The following C14orf39 variants were observed in gnomAD, a reference collection of about 807,000 sequenced individuals.
C14orf39 encodes the protein chromosome 14 open reading frame 39, also known as protein SIX6OS1.
In C14orf39, 66 loss-of-function variants were observed where a neutral mutation model predicts 85.6. The ratio of observed to expected loss-of-function variants is 0.77; its 90% CI spans 0.63 to 0.95. The LOEUF is 0.95. Ranked by LOEUF, C14orf39 falls within the 40% of genes least tolerant of loss-of-function variation. The pLI is 0.00. For missense variants in C14orf39, 735 were observed against 663.9 expected, an observed-to-expected ratio of 1.11 and a Z score of -1.18; for synonymous variants, 242 against 214.0, an observed-to-expected ratio of 1.13 and a Z score of -1.14.
At chr14:60,475,043 G>A (rs1004984556) in intron 5 of C14orf39, among the ~76,000 whole-genome samples, 14 of 152,210 alleles carry the variant, frequency 9.2e-5, no homozygotes, top group Non-Finnish European at 1.5e-4. Flanking sequence ...GACTTTTTTG[G>A]TTGGTAAACT....
At chr14:60,485,267 G>A (rs1429204841) in intron 1 of C14orf39, among the ~76,000 whole-genome samples, 181 bp from the exon 2 acceptor site, 4 of 152,210 alleles carry the variant, frequency 2.6e-5, no homozygotes, top group Non-Finnish European at 5.9e-5. Flanking sequence ...CCCGGGCCAA[G>A]CCCAACGAGC....
At chr14:60,442,329 A>T (rs1361138555) in intron 16 of C14orf39, among the ~76,000 whole-genome samples, 198 bp from the exon 17 acceptor site, 1 of 152,180 alleles carries the variant, frequency 6.6e-6, no homozygotes, top group African/African-American at 2.4e-5. Context: ...AATAAGGTCT[A>T]TTGATTTGAT....
intron 1 of C14orf39, chr14:60,510,009 G>C (rs780223776): frequency 1.9e-6 from 3 of 1,546,442 alleles, no homozygotes; most frequent in Admixed American, 3.7e-5. Context: ...AGCGCACCGG[G>C]GAGGAGGCGG....
Position 60,436,787 on chromosome 14 carries a change from A to C in C14orf39, c.*58T>G. 8.6e-7 allele frequency: 1 copy of C among 1,164,298 alleles called. No individual in the cohort carries two copies. Among genetic ancestry groups the C allele is most frequent in the East Asian group, 2.4e-5 (1 of 42,300 alleles). 72.1% of individuals were successfully genotyped at this position (1,164,298 alleles called of 1,614,324 possible). On this transcript the variant is annotated 3_prime_UTR_variant, in exon 18 of 18. Coordinates refer to ENST00000321731, the MANE Select transcript of C14orf39 (RefSeq NM_174978.3). ...GTCTTCATGTTTTAAGCAATAATGT[A>C]AATTTATGCCCTCATGAACACAGAA... is the stretch of plus-strand genomic sequence containing the variant.
intron 1 of C14orf39, among the ~76,000 whole-genome samples, chr14:60,513,434 A>G (rs570271263): frequency 6.6e-5 from 10 of 152,338 alleles, no homozygotes; most frequent in African/African-American, 2.2e-4. Context: ...TGCAAGGCAC[A>G]TGAGATTGAG....
intron 17 of C14orf39, among the ~76,000 whole-genome samples, chr14:60,440,137 T>C (rs1890439987): frequency 6.6e-6 from 1 of 152,222 alleles, no homozygotes; most frequent in Admixed American, 6.5e-5. Context: ...ATAAATACAA[T>C]TGGTAGATTC....
intron 1 of C14orf39, among the ~76,000 whole-genome samples, chr14:60,507,170 G>T (rs1344614988): frequency 6.6e-6 from 1 of 152,202 alleles, no homozygotes; most frequent in South Asian, 2.1e-4. Flanking sequence ...AGCAATAGCC[G>T]GCAAAGTAAC....
intron 2 of C14orf39, chr14:60,496,455 TCTCC>T: frequency 7.2e-6 from 2 of 277,842 alleles, no homozygotes; most frequent in Non-Finnish European, 1.5e-5. Context: ...GCATCCAGCT[TCTCC>T]TTTATGTCCC....
intron 2 of C14orf39, chr14:60,495,550 A>T: frequency 4.4e-6 from 1 of 229,432 alleles, no homozygotes. Flanking sequence ...AGGTACAGAG[A>T]GTACATGGGA....
At chr14:60,454,282 T>C (rs986289383) in intron 16 of C14orf39, among the ~76,000 whole-genome samples, 2 of 151,958 alleles carry the variant, frequency 1.3e-5, no homozygotes, top group African/African-American at 2.4e-5. Flanking sequence ...ATATTACTCA[T>C]ATCACATTAA....
chr14:60,441,750 A>C (rs1391888533), intron 17 of C14orf39, among the ~76,000 whole-genome samples: 1 of 152,220 alleles, frequency 6.6e-6, no homozygotes, highest in Non-Finnish European at 1.5e-5. Flanking sequence ...AAGAGAGAAA[A>C]GGAAATCCAA....
chr14:60,468,377 T>C, intron 9 of C14orf39, 68 bp downstream of exon 9: 2 of 921,480 alleles, frequency 2.2e-6, no homozygotes, highest in Non-Finnish European at 3.2e-6. Context: ...TGGGATGGAA[T>C]ATAGAATCAA....
chr14:60,457,002 G>A lies in C14orf39; in HGVS notation c.1273C>T (p.Pro425Ser), dbSNP rs745717405. The A allele has an allele frequency of 6.2e-7, 1 of 1,610,714 alleles. No homozygotes were observed. Among genetic ancestry groups the A allele is most frequent in the South Asian group, 1.1e-5 (1 of 90,700 alleles). ...GCTTTGGGAGTTCCTAAAAATATAG[G>A]AATTTCAGACGTTCGTGGAAAATTC... is the stretch of plus-strand genomic sequence containing the variant. Reference protein sequence around the residue: ...AENFPRTSEIPIFLGTPKAVK... With the variant: ...AENFPRTSEISIFLGTPKAVK... Residue 425 changes from proline (P) to serine (S), a missense_variant, in exon 15 of 18, where the codon CCT (proline) becomes TCT (serine). By Grantham distance (74) the Pro-to-Ser change is moderately conservative. Coordinates refer to ENST00000321731, the MANE Select transcript of C14orf39 (RefSeq NM_174978.3).
At chr14:60,455,276 G>A in intron 15 of C14orf39, 131 bp from the exon 16 acceptor site, 1 of 589,412 alleles carries the variant, frequency 1.7e-6, no homozygotes, top group Non-Finnish European at 2.8e-6. Flanking sequence ...TTATTGAAGT[G>A]ACAATCCTAT....
chr14:60,459,426 A>G (rs548711082), intron 13 of C14orf39, among the ~76,000 whole-genome samples: 2 of 151,708 alleles, frequency 1.3e-5, no homozygotes, highest in South Asian at 4.2e-4. Flanking sequence ...TGGGGTATGT[A>G]TATCTCTCAT....
chr14:60,494,108 C>T, intron 2 of C14orf39: 1 of 316,782 alleles, frequency 3.2e-6, no homozygotes. Flanking sequence ...TGTACTGGTT[C>T]CACACGACAG....
intron 4 of C14orf39, among the ~76,000 whole-genome samples, chr14:60,482,237 C>T (rs1409061217): frequency 6.6e-6 from 1 of 152,130 alleles, no homozygotes; most frequent in African/African-American, 2.4e-5. Context: ...AGTACTTTTC[C>T]ACAACCCAAT....
At chr14:60,485,168 T>C in intron 1 of C14orf39, 82 bp from the exon 2 acceptor site, 1 of 1,145,750 alleles carries the variant, frequency 8.7e-7, no homozygotes, top group South Asian at 1.4e-5. Flanking sequence ...ACCTTTTCAA[T>C]ATAGCATTCT....
intron 1 of C14orf39, among the ~76,000 whole-genome samples, chr14:60,508,512 A>G (rs1044105293): frequency 6.6e-6 from 1 of 152,120 alleles, no homozygotes; most frequent in African/African-American, 2.4e-5. Flanking sequence ...ATTTAAAATT[A>G]TTTTAGTGGG....
Sources: allele counts gnomAD v4.1 joint callset (sites outside exome capture counted in the v4.1 genomes callset), GRCh38; gene constraint gnomAD v4.1.1; transcripts MANE v1.5; gene names NCBI Gene and HGNC (gene_info 2026-07-23, HGNC 2026-07-21).